Variants in CCM2L observed in about 807,000 individuals in gnomAD.
CCM2L encodes cerebral cavernous malformations 2 protein-like.
CCM2L carries 36 observed loss-of-function variants against 54.1 expected under a neutral mutation model. The ratio of observed to expected loss-of-function variants is 0.67; its 90% confidence interval spans 0.51 to 0.88. CCM2L has a LOEUF of 0.88. Among genes scored for constraint, CCM2L ranks in the 40% least tolerant of loss-of-function variants. CCM2L has a pLI of 0.00. For synonymous variants in CCM2L, 351 were observed against 359.3 expected, an observed-to-expected ratio of 0.98 and a Z score of 0.26; for missense variants, 700 against 812.1, an observed-to-expected ratio of 0.86 and a Z score of 1.68.
intron 6 of CCM2L, among the ~76,000 whole-genome samples, chr20:32,024,254 G>A (rs1046906728): frequency 7.2e-5 from 11 of 152,228 alleles, no homozygotes; most frequent in South Asian, 2.1e-4. Flanking sequence ...CAGAGTGCTC[G>A]TTCTTTTCTT....
chr20:32,029,724 G>A lies in CCM2L; in HGVS notation c.1288G>A (p.Glu430Lys), dbSNP rs764802834. 9 of 1,612,168 alleles carry A rather than the reference G, an allele frequency of 5.6e-6. No individual in the cohort carries two copies. The highest frequency in any genetic ancestry group is 1.7e-5 in the Admixed American group (1 of 59,804). Residue 430 changes from glutamate to lysine, a missense_variant, in exon 9 of 10, where the codon GAG becomes AAG. Coordinates refer to ENST00000452892, the MANE Select transcript of CCM2L (RefSeq NM_001365692.1). Reference sequence around the variant, plus strand: ...GTTGCGGAGTAAGCTGGGGCCCCTCGAGATCCAGCAGTTTGCGATGCTGCT... The same window carrying A: ...GTTGCGGAGTAAGCTGGGGCCCCTCAAGATCCAGCAGTTTGCGATGCTGCT... Reference protein sequence around the residue: ...VTLRSKLGPLEIQQFAMLLRE... With the variant: ...VTLRSKLGPLKIQQFAMLLRE...
chr20:32,012,074 C>T (rs1380295352), intron 1 of CCM2L, among the ~76,000 whole-genome samples: 2 of 151,966 alleles, frequency 1.3e-5, no homozygotes, highest in Non-Finnish European at 2.9e-5. Context: ...GTGCCCTCTG[C>T]TTGGCATGCT....
At chr20:32,010,566 G>GAAA in intron 1 of CCM2L, 82 bp downstream of exon 1, 1 of 984,670 alleles carries the variant, frequency 1.0e-6, no homozygotes, top group Non-Finnish European at 1.5e-6. Flanking sequence ...GGGGTGGGGG[G>GAAA]TCGGTAGCGA....
At position 32,031,404 on chromosome 20, in the gene CCM2L, C is replaced by T. The variant is rs2064926597; in HGVS notation, c.*90C>T. 2 of 1,105,412 alleles carry T rather than the reference C, an allele frequency of 1.8e-6. No homozygotes were observed. Among genetic ancestry groups the T allele is most frequent in the South Asian group, 1.6e-5 (1 of 63,874 alleles). 68.5% of individuals were successfully genotyped at this position (1,105,412 alleles called of 1,614,324 possible). A position where few individuals can be genotyped will look rare whatever the true frequency, so the allele number is the denominator to read the frequency against. ...CCCTATCCCCAGGGCCCCCCCATCA[C>T]ACCTGGCGGGGCCGGGGGGTCTTCA... On this transcript the variant is annotated 3_prime_UTR_variant, in exon 10 of 10. Coordinates refer to ENST00000452892, the MANE Select transcript of CCM2L (RefSeq NM_001365692.1).
intron 2 of CCM2L, 38 bp downstream of exon 2, chr20:32,015,109 G>A (rs370127813): frequency 6.9e-7 from 1 of 1,450,970 alleles, no homozygotes; most frequent in African/African-American, 1.5e-5. Context: ...AAACCTTGGG[G>A]TGAGGAGACC....
Position 32,018,054 on chromosome 20 carries a change from C to T in CCM2L, c.358C>T (p.Leu120Phe), listed in dbSNP as rs2064755560. The T allele has an allele frequency of 6.2e-7, 1 of 1,613,678 alleles. No individual in the cohort carries two copies. The highest frequency in any genetic ancestry group is 1.7e-5 in the Admixed American group (1 of 59,986). Residue 120 changes from leucine to phenylalanine, a missense_variant, in exon 4 of 10, where the codon CTC becomes TTC. Coordinates refer to ENST00000452892, the MANE Select transcript of CCM2L (RefSeq NM_001365692.1). Reference sequence around the variant, plus strand: ...GAGCCTGTCTGCCCGCTGCCTGCTGCTCACCTGGCGCGACAATGAAGAGCT... The same window carrying T: ...GAGCCTGTCTGCCCGCTGCCTGCTGTTCACCTGGCGCGACAATGAAGAGCT... ...ILSLSARCLL[L>F]TWRDNEELIL...
intron 5 of CCM2L, among the ~76,000 whole-genome samples, chr20:32,020,548 A>T (rs1029332875): frequency 1.3e-5 from 2 of 151,406 alleles, no homozygotes; most frequent in Non-Finnish European, 3.0e-5. Flanking sequence ...CTCCCCCAAA[A>T]CCTGCCACTC....
intron 5 of CCM2L, among the ~76,000 whole-genome samples, chr20:32,020,116 C>T (rs2064789380): frequency 6.6e-6 from 1 of 152,204 alleles, no homozygotes; most frequent in African/African-American, 2.4e-5. Context: ...GTGAAAAAGA[C>T]ATCTGGTGTC....
In CCM2L at chr20:32,019,117, C is replaced by G. The variant is rs796342232; in HGVS notation, c.641C>G (p.Ala214Gly). ...GGGTGGGGTGGGGGCGCCGCGGAGG[C>G]CCGGGCCGGGGGAGGCGGCGGCGGC... ...RMGWGGGAAE[A>G]RAGGGGGGSL... Residue 214 changes from alanine to glycine, a missense_variant, in exon 5 of 10, where the codon GCC becomes GGC. Physicochemically the swap from Ala to Gly is moderately conservative, Grantham distance 60 (BLOSUM62 0). Transcript: ENST00000452892. 5.8e-5 allele frequency: 67 copies of G among 1,163,438 alleles called. No individual in the cohort carries two copies. In the South Asian group the frequency reaches 2.6e-3, roughly 45 times the overall value. The allele number at this position is 1,163,438 out of a possible 1,614,324, so 72.1% of individuals were successfully genotyped here.
intron 2 of CCM2L, 143 bp downstream of exon 2, chr20:32,015,214 GC>G: frequency 2.5e-6 from 2 of 793,922 alleles, no homozygotes; most frequent in Non-Finnish European, 3.6e-6. Context: ...TGTCAGCCTT[GC>G]CCCCACCTTC....
chr20:32,028,752 A>C, intron 7 of CCM2L: 1 of 520,802 alleles, frequency 1.9e-6, no homozygotes, highest in Non-Finnish European at 3.5e-6. Context: ...CAGCAGGTGC[A>C]AACACCCAGA....
intron 5 of CCM2L, among the ~76,000 whole-genome samples, chr20:32,021,397 T>C (rs1255991533): frequency 1.3e-5 from 2 of 152,042 alleles, no homozygotes; most frequent in South Asian, 2.1e-4. Context: ...AGTAAATAAG[T>C]GTAATCCCAA....
chr20:32,023,133 AT>A (rs375096250), intron 6 of CCM2L, among the ~76,000 whole-genome samples: 9 of 148,508 alleles, frequency 6.1e-5, no homozygotes, highest in Non-Finnish European at 9.0e-5. Context: ...CACCCAGCTA[AT>A]TTTTTTTTTG....
chr20:32,015,122 C>T lies in CCM2L; in HGVS notation c.198+51C>T, dbSNP rs1370111335. The T allele has an allele frequency of 2.1e-6, 3 of 1,431,340 alleles. No homozygotes were observed. The African/African-American group carries it at 4.5e-5, about 21-fold the overall frequency. The allele number at this position is 1,431,340 out of a possible 1,614,324, so 88.7% of individuals were successfully genotyped here. A position where few individuals can be genotyped will look rare whatever the true frequency, so the allele number is the denominator to read the frequency against. ...GAAAACCTTGGGGTGAGGAGACCTT[C>T]ACTTCTCCTTGACACCAAGTTCTGA... On this transcript the variant is annotated intron_variant, in intron 2 of 9. Transcript: ENST00000452892.
chr20:32,020,871 C>A (rs559306865), intron 5 of CCM2L, among the ~76,000 whole-genome samples: 3 of 152,242 alleles, frequency 2.0e-5, no homozygotes, highest in Non-Finnish European at 4.4e-5. Context: ...GTAATCTCAG[C>A]TACTTGGGAG....
chr20:32,013,366 G>C (rs1488271154), intron 1 of CCM2L, among the ~76,000 whole-genome samples: 1 of 152,160 alleles, frequency 6.6e-6, no homozygotes, highest in Non-Finnish European at 1.5e-5. Context: ...TCAGTTGGTT[G>C]GGAGTGTAAC....
At position 32,019,096 on chromosome 20, in the gene CCM2L, G is replaced by C. The variant is rs1420602193; in HGVS notation, c.620G>C (p.Trp207Ser). 28 of 1,188,040 alleles carry C rather than the reference G, an allele frequency of 2.4e-5. 2 individuals are homozygous for C. In the East Asian group the frequency reaches 9.1e-4, roughly 39 times the overall value. 73.6% of individuals were successfully genotyped at this position (1,188,040 alleles called of 1,614,324 possible). A position where few individuals can be genotyped will look rare whatever the true frequency, so the allele number is the denominator to read the frequency against. Residue 207 changes from tryptophan (W) to serine (S), a missense_variant, in exon 5 of 10, where the codon TGG becomes TCG. Coordinates refer to ENST00000452892, the MANE Select transcript of CCM2L (RefSeq NM_001365692.1). ...TGCAGCCTGGACTGGCGGATGGGGT[G>C]GGGTGGGGGCGCCGCGGAGGCCCGG... is the stretch of plus-strand genomic sequence containing the variant. Reference protein sequence around the residue: ...TICSLDWRMGWGGGAAEARAG... With the variant: ...TICSLDWRMGSGGGAAEARAG...
At chr20:32,017,214 TTTG>T (rs1160125203) in intron 2 of CCM2L, among the ~76,000 whole-genome samples, 37 of 152,148 alleles carry the variant, frequency 2.4e-4, no homozygotes, top group African/African-American at 8.4e-4. Context: ...AAAGGAAAAA[TTTG>T]TTGATTTAGT....
At chr20:32,021,660 C>T (rs8115026) in intron 5 of CCM2L, among the ~76,000 whole-genome samples, 1 of 151,882 alleles carries the variant, frequency 6.6e-6, no homozygotes, top group Non-Finnish European at 1.5e-5. Context: ...AAAAAAGTTG[C>T]TTTCCAGGGT....
Sources: gnomAD v4.1 joint callset for allele counts (sites outside exome capture counted in the v4.1 genomes callset) on GRCh38, gnomAD v4.1.1 for gene constraint, MANE v1.5 for transcripts, NCBI Gene and HGNC (gene_info 2026-07-23, HGNC 2026-07-21) for gene names.